COBLL1: variants seen among roughly 807,000 people sequenced by gnomAD.
The protein encoded by COBLL1 is cordon-bleu protein-like 1.
In COBLL1, 50 loss-of-function variants were observed where a neutral mutation model predicts 94.8. The ratio of observed to expected loss-of-function variants is 0.53; its 90% CI spans 0.42 to 0.67. The LOEUF (loss-of-function observed/expected upper bound fraction) is 0.67. COBLL1 is among the 30% of genes least tolerant of loss of function. The probability of loss-of-function intolerance (pLI) is 0.00; values close to 1 mark genes in which losing one functional copy is unlikely to be tolerated. For missense variants in COBLL1, 1,362 were observed against 1,348.7 expected (o/e 1.01, Z -0.15); for synonymous variants, 448 against 473.8 (o/e 0.95, Z 0.71).
intron 2 of COBLL1, among the ~76,000 whole-genome samples, chr2:164,826,352 T>C (rs1685426890): frequency 6.6e-6 from 1 of 152,192 alleles, no homozygotes; most frequent in Admixed American, 6.5e-5. Flanking sequence ...TCTAACCAAC[T>C]TCATCCTCCA....
At chr2:164,840,827 C>T (rs1683562171) in intron 2 of COBLL1, 1 of 266,620 alleles carries the variant, frequency 3.8e-6, no homozygotes, top group Non-Finnish European at 7.0e-6. Context: ...TTACAGGTAT[C>T]GTCCACCGCT....
intron 2 of COBLL1, among the ~76,000 whole-genome samples, chr2:164,828,838 C>T (rs770166636): frequency 6.6e-5 from 10 of 152,130 alleles, no homozygotes; most frequent in African/African-American, 1.9e-4. Context: ...ATGTTACTTA[C>T]ATTAATTTTT....
At chr2:164,842,051 G>C (rs1393293724), upstream of COBLL1, 1 of 1,528,406 alleles carries the variant, frequency 6.5e-7, no homozygotes, top group Non-Finnish European at 8.8e-7. Context: ...GCATTGGAGC[G>C]AGGGAAGCAG....
At chr2:164,807,778 G>A (rs1452423233) in intron 2 of COBLL1, among the ~76,000 whole-genome samples, 2 of 151,844 alleles carry the variant, frequency 1.3e-5, no homozygotes, top group South Asian at 2.1e-4. Context: ...ATTTCCAAGT[G>A]GTTGAGTTTA....
chr2:164,796,726 A>AAG (rs374535467), intron 2 of COBLL1, among the ~76,000 whole-genome samples: 2 of 109,590 alleles, frequency 1.8e-5, no homozygotes, highest in East Asian at 4.1e-4. Flanking sequence ...AAAAAAAAAA[A>AAG]GGAGAGGGAA....
chr2:164,777,270 T>A (rs942679243), intron 2 of COBLL1, among the ~76,000 whole-genome samples: 2 of 151,822 alleles, frequency 1.3e-5, no homozygotes, highest in African/African-American at 2.4e-5. Context: ...AAAGAAGTAA[T>A]TTGATCCAAT....
rs1434068417 is a variant in COBLL1, at chr2:164,841,130, G to A, written c.41+26C>T. 2 of 1,229,428 alleles carry A rather than the reference G, an allele frequency of 1.6e-6. No homozygotes were observed. Among genetic ancestry groups the A allele is most frequent in the Non-Finnish European group, 2.0e-6 (2 of 986,494 alleles). 76.2% of individuals were successfully genotyped at this position (1,229,428 alleles called of 1,614,324 possible). On this transcript the variant is annotated intron_variant, in intron 2 of 13. Coordinates refer to ENST00000652658, the MANE Select transcript of COBLL1 (RefSeq NM_001365672.2). This position sits in a 1 kb window ranked among gnomAD's most constrained non-coding sequence, Gnocchi z 5.5. ...TCGCCGGCCTCGCCCTCCCCGGTGAGAGGCGGCGCGGCGCTCTGGGCTTAC... is the reference window on the plus strand; with the variant it reads ...TCGCCGGCCTCGCCCTCCCCGGTGAAAGGCGGCGCGGCGCTCTGGGCTTAC...
intron 2 of COBLL1, among the ~76,000 whole-genome samples, chr2:164,816,217 G>C (rs1302061893): frequency 6.6e-6 from 1 of 152,030 alleles, no homozygotes; most frequent in Non-Finnish European, 1.5e-5. Context: ...ATTCCTCTGG[G>C]AAGTGAATTG....
At chr2:164,790,479 A>T (rs1212782043) in intron 2 of COBLL1, among the ~76,000 whole-genome samples, 1 of 152,184 alleles carries the variant, frequency 6.6e-6, no homozygotes, top group African/African-American at 2.4e-5. Flanking sequence ...TTTATTTAAA[A>T]GTTTGGTGAT....
Position 164,695,064 on chromosome 2 carries a change from AGTTT to A in COBLL1, c.2324_2327del (p.Glu775ValfsTer27). The stretch of plus-strand genomic sequence containing the variant: ...TAGCAGAATCTTCTGTTTGGATGGC[AGTTT>A]CTTTCACATTCTCATGAGTGTGCTT... On this transcript the variant is annotated frameshift_variant, in exon 12 of 14. Transcript: ENST00000652658. LOFTEE classifies it high-confidence loss of function. The A allele has an allele frequency of 6.2e-7, 1 of 1,613,812 alleles. No homozygotes were observed.
chr2:164,739,992 G>T (rs116290804), intron 3 of COBLL1, among the ~76,000 whole-genome samples: 2 of 152,068 alleles, frequency 1.3e-5, no homozygotes, highest in South Asian at 4.1e-4. Flanking sequence ...ATCTTGGATC[G>T]CATTAAGATA....
chr2:164,732,501 A>G (rs927097543), intron 3 of COBLL1, among the ~76,000 whole-genome samples: 7 of 152,222 alleles, frequency 4.6e-5, no homozygotes, highest in Non-Finnish European at 1.0e-4. Context: ...AATAAAGTTA[A>G]GAAGGATTAG....
At chr2:164,736,063 TAAGACTCTAA>T (rs919638679) in intron 3 of COBLL1, among the ~76,000 whole-genome samples, 1 of 152,188 alleles carries the variant, frequency 6.6e-6, no homozygotes, top group African/African-American at 2.4e-5. Flanking sequence ...GATTTTTTTT[TAAGACTCTAA>T]AAGCTCTTCT....
At chr2:164,760,742 A>T (rs1341911724) in intron 2 of COBLL1, among the ~76,000 whole-genome samples, 2 of 152,176 alleles carry the variant, frequency 1.3e-5, no homozygotes, top group Non-Finnish European at 2.9e-5. Flanking sequence ...CTAGTAAAAA[A>T]ATAAAAGTTA....
intron 2 of COBLL1, among the ~76,000 whole-genome samples, chr2:164,751,102 T>C (rs937564844): frequency 2.6e-5 from 4 of 152,126 alleles, no homozygotes; most frequent in African/African-American, 7.2e-5. Context: ...CTTGAGGTCA[T>C]TCAGAATTCA....
At chr2:164,809,839 A>T (rs1284571029) in intron 2 of COBLL1, among the ~76,000 whole-genome samples, 1 of 151,898 alleles carries the variant, frequency 6.6e-6, no homozygotes, top group Non-Finnish European at 1.5e-5. Context: ...CATGACATTA[A>T]CATCATATAA....
chr2:164,745,156 C>T lies in COBLL1; in HGVS notation c.42-1281G>A, dbSNP rs188573306. ...TTTATAAGTAAATATATAACATCCA[C>T]CTATTCGGTATTTTCAAAATTTAAG... is the stretch of plus-strand genomic sequence containing the variant. On this transcript the variant is annotated intron_variant, in intron 2 of 13. Transcript: ENST00000652658. Among the ~76,000 whole-genome samples the T allele has an allele frequency of 6.5e-4, 99 of 152,228 alleles. 1 individual carries two copies. The highest frequency in any genetic ancestry group is 2.4e-3 in the Admixed American group (36 of 15,278).
chr2:164,732,090 C>T (rs543993081), intron 3 of COBLL1, among the ~76,000 whole-genome samples: 309 of 152,286 alleles, frequency 2.0e-3, no homozygotes, highest in Middle Eastern at 6.8e-3. Context: ...TGTTTCTCAA[C>T]GGTCCCTCAC....
chr2:164,682,739 C>T lies in COBLL1; in HGVS notation c.*3207G>A, dbSNP rs1160921598. 6.6e-6 allele frequency: 1 copy of T among 152,036 alleles called. No homozygotes were observed. The highest frequency in any genetic ancestry group is 1.9e-4 in the East Asian group (1 of 5,192). The allele number at this position is 152,036 out of a possible 1,614,324, so 9.4% of individuals were successfully genotyped here. On this transcript the variant is annotated 3_prime_UTR_variant, in exon 14 of 14. Coordinates refer to ENST00000652658, the MANE Select transcript of COBLL1 (RefSeq NM_001365672.2). ...AGGTTCATTTTTATTCATATTAATT[C>T]ATTTTTCAGAAGAGAAAATGAAGCA...
Sources: allele counts gnomAD v4.1 joint callset (sites outside exome capture counted in the v4.1 genomes callset), GRCh38; gene constraint gnomAD v4.1.1; non-coding constraint Gnocchi (gnomAD v3.1); transcripts MANE v1.5; gene names NCBI Gene and HGNC (gene_info 2026-07-23, HGNC 2026-07-21).